CNBD1: variants seen among roughly 807,000 people sequenced by gnomAD.
CNBD1 encodes cyclic nucleotide binding domain containing 1.
Under a neutral mutation model 54.4 loss-of-function variants are expected in CNBD1, and 71 were observed. The ratio of observed to expected loss-of-function variants is 1.30; its 90% CI spans 1.08 to 1.59. The LOEUF is 1.59. Ranked by LOEUF, CNBD1 falls within the 40% of genes most tolerant of loss-of-function variation. CNBD1 has a pLI of 0.00. For synonymous variants in CNBD1, 182 were observed against 170.7 expected (o/e 1.07, Z -0.51); for missense variants, 659 against 518.0 (o/e 1.27, Z -2.64).
intron 4 of CNBD1, among the ~76,000 whole-genome samples, chr8:87,177,126 A>C (rs944386055): frequency 2.6e-5 from 4 of 152,220 alleles, no homozygotes; most frequent in Non-Finnish European, 5.9e-5. Context: ...CCTGCACTGA[A>C]AAATTTAAAG....
intron 10 of CNBD1, among the ~76,000 whole-genome samples, chr8:87,379,351 G>C (rs1215283437): frequency 6.6e-6 from 1 of 151,774 alleles, no homozygotes; most frequent in South Asian, 2.1e-4. Context: ...GGATACCCAG[G>C]AATTGAACTC....
At chr8:87,129,074 A>AAAAAAAAAAT (rs1812061910) in intron 4 of CNBD1, among the ~76,000 whole-genome samples, 1 of 140,584 alleles carries the variant, frequency 7.1e-6, no homozygotes, top group Non-Finnish European at 1.5e-5. Context: ...TGCCTCAAAA[A>AAAAAAAAAAT]AAAAAAAAAA....
chr8:87,303,308 A>G (rs527884032), intron 8 of CNBD1, among the ~76,000 whole-genome samples: 47 of 152,146 alleles, frequency 3.1e-4, no homozygotes, highest in African/African-American at 9.6e-4. Flanking sequence ...AATGGAACAG[A>G]ACAGAGCCCT....
At chr8:87,001,250 A>G (rs1278646375) in intron 4 of CNBD1, among the ~76,000 whole-genome samples, 1 of 152,030 alleles carries the variant, frequency 6.6e-6, no homozygotes, top group Non-Finnish European at 1.5e-5. Flanking sequence ...CAGTGTCTCC[A>G]TCTCATTCTC....
intron 2 of CNBD1, among the ~76,000 whole-genome samples, chr8:87,408,650 C>G (rs1807689951): frequency 1.3e-5 from 2 of 151,950 alleles, no homozygotes; most frequent in African/African-American, 4.8e-5. Context: ...ATTTTTAAAA[C>G]AAATTAGAGG....
rs975819844 is a variant in CNBD1 at position 87,114,334 on chromosome 8, A to G, written c.432-91659A>G. The stretch of plus-strand genomic sequence containing the variant: ...TTTTCTCTTCTTTTGTTGTCATTTC[A>G]TCTCCTGAAGATTGACTAATTTTTT... On this transcript the variant is annotated intron_variant, in intron 4 of 10. Coordinates refer to ENST00000518476, the MANE Select transcript of CNBD1 (RefSeq NM_173538.3). 2.0e-5 allele frequency among the ~76,000 whole-genome samples: 3 copies of G among 152,202 alleles called. No individual in the cohort carries two copies. In the East Asian group the frequency reaches 5.8e-4, roughly 29 times the overall value.
intron 4 of CNBD1, among the ~76,000 whole-genome samples, chr8:87,110,926 T>C (rs1050766608): frequency 2.0e-5 from 3 of 152,236 alleles, no homozygotes; most frequent in Admixed American, 6.5e-5. Context: ...CTAGTAAAGA[T>C]ACCACATCTG....
At chr8:87,389,767 C>T (rs1046265756) in intron 2 of CNBD1, among the ~76,000 whole-genome samples, 5 of 152,048 alleles carry the variant, frequency 3.3e-5, no homozygotes, top group African/African-American at 9.7e-5. Flanking sequence ...CATATGGAAC[C>T]AAAAAGGAGC....
chr8:86,897,475 C>A (rs907819455), intron 2 of CNBD1, among the ~76,000 whole-genome samples: 1 of 151,970 alleles, frequency 6.6e-6, no homozygotes, highest in East Asian at 1.9e-4. Flanking sequence ...GGAGGAACCA[C>A]CCAGATAGGC....
chr8:87,397,529 G>A (rs1457584527), intron 2 of CNBD1, among the ~76,000 whole-genome samples: 2 of 151,924 alleles, frequency 1.3e-5, no homozygotes, highest in Non-Finnish European at 2.9e-5. Flanking sequence ...TTCATGACAA[G>A]AGACAGACAT....
intron 4 of CNBD1, among the ~76,000 whole-genome samples, chr8:87,091,336 C>A (rs1045487286): frequency 1.3e-5 from 2 of 152,072 alleles, no homozygotes; most frequent in South Asian, 4.1e-4. Flanking sequence ...AAGTCTTCTA[C>A]CAGTTTCATC....
intron 10 of CNBD1, among the ~76,000 whole-genome samples, chr8:87,365,871 T>G (rs113007700): frequency 5.9e-5 from 9 of 152,222 alleles, no homozygotes; most frequent in African/African-American, 2.2e-4. Flanking sequence ...AATTTTATAA[T>G]GTCTCCCACA....
At chr8:86,868,632 T>C (rs1482264530) in intron 1 of CNBD1, among the ~76,000 whole-genome samples, 1 of 152,140 alleles carries the variant, frequency 6.6e-6, no homozygotes, top group African/African-American at 2.4e-5. Flanking sequence ...ACGCCCCGGC[T>C]GTCTGTATTT....
chr8:87,022,301 C>G (rs1809505858), intron 4 of CNBD1, among the ~76,000 whole-genome samples: 1 of 152,160 alleles, frequency 6.6e-6, no homozygotes, highest in Non-Finnish European at 1.5e-5. Flanking sequence ...CATTTGGGAA[C>G]AGGATATTGT....
At chr8:86,924,780 T>C (rs911736730) in intron 3 of CNBD1, among the ~76,000 whole-genome samples, 1 of 152,222 alleles carries the variant, frequency 6.6e-6, no homozygotes, top group African/African-American at 2.4e-5. Flanking sequence ...TTTGCTTCTT[T>C]AATTTGAATT....
At chr8:87,410,099 A>G (rs1041805797) in intron 2 of CNBD1, among the ~76,000 whole-genome samples, 5 of 152,092 alleles carry the variant, frequency 3.3e-5, no homozygotes, top group Non-Finnish European at 5.9e-5. Flanking sequence ...ATGACAGCCC[A>G]TCTGTTTATA....
intron 8 of CNBD1, among the ~76,000 whole-genome samples, chr8:87,325,774 C>G (rs1324170056): frequency 6.7e-6 from 1 of 148,644 alleles, no homozygotes; most frequent in Non-Finnish European, 1.5e-5. Context: ...CAGTCTGTGT[C>G]TTTTAATTGG....
chr8:87,122,109 T>C (rs1055660513), intron 4 of CNBD1, among the ~76,000 whole-genome samples: 1 of 151,740 alleles, frequency 6.6e-6, no homozygotes, highest in African/African-American at 2.4e-5. Context: ...GGTCATATGG[T>C]AGTTCTATTT....
At chr8:87,358,039 C>T (rs138114201) in intron 10 of CNBD1, among the ~76,000 whole-genome samples, 84 of 152,278 alleles carry the variant, frequency 5.5e-4, no homozygotes, top group African/African-American at 1.9e-3. Flanking sequence ...GACATGCCTG[C>T]TCCTTCTCTG....
Sources: gnomAD v4.1 joint callset for allele counts (sites outside exome capture counted in the v4.1 genomes callset) on GRCh38, gnomAD v4.1.1 for gene constraint, MANE v1.5 for transcripts, NCBI Gene and HGNC (gene_info 2026-07-23, HGNC 2026-07-21) for gene names.